Variants in DCAF17 observed in about 807,000 individuals in gnomAD.
The protein encoded by DCAF17 is DDB1 and CUL4 associated factor 17.
DCAF17 carries 48 observed loss-of-function variants against 66.0 expected under a neutral mutation model. The observed-to-expected ratio is 0.73, with a 90% CI of 0.58 to 0.92. DCAF17 has a LOEUF of 0.92. Among genes scored for constraint, DCAF17 ranks in the 40% least tolerant of loss-of-function variants. The probability of loss-of-function intolerance (pLI) is 0.00; values close to 1 mark genes in which losing one functional copy is unlikely to be tolerated. For synonymous variants in DCAF17, 206 were observed against 214.6 expected, an observed-to-expected ratio of 0.96 and a Z score of 0.35; for missense variants, 562 against 622.8, an observed-to-expected ratio of 0.90 and a Z score of 1.04.
chr2:171,477,939 G>A, intron 11 of DCAF17, 48 bp from the exon 12 acceptor site: 3 of 1,497,694 alleles, frequency 2.0e-6, no homozygotes, highest in Non-Finnish European at 2.8e-6. Context: ...ACCTTTGACT[G>A]CATGTAATAG....
rs1413099007 is a variant in DCAF17, at chr2:171,482,464, C to G, written c.*1350C>G. ...ATTGCCCCATACTTTCAATTAGACA[C>G]TAGCTGTATCTAAATAGTCCCACTC... On this transcript the variant is annotated 3_prime_UTR_variant, in exon 14 of 14. Transcript: ENST00000375255. 1 of 453,872 alleles carries G rather than the reference C, an allele frequency of 2.2e-6. No homozygotes were observed. The highest frequency in any genetic ancestry group is 4.4e-6 in the Non-Finnish European group (1 of 226,790). 28.1% of individuals were successfully genotyped at this position (453,872 alleles called of 1,614,324 possible).
intron 2 of DCAF17, among the ~76,000 whole-genome samples, chr2:171,440,689 C>T (rs886293833): frequency 2.3e-4 from 35 of 151,964 alleles, no homozygotes; most frequent in Non-Finnish European, 1.5e-5. Flanking sequence ...TTGTTGTAGC[C>T]GTAGGTATTA....
At chr2:171,439,464 T>C (rs1369931891) in intron 2 of DCAF17, among the ~76,000 whole-genome samples, 1 of 151,902 alleles carries the variant, frequency 6.6e-6, no homozygotes, top group Non-Finnish European at 1.5e-5. Flanking sequence ...AAGGCGTTCT[T>C]CATTTCTCTT....
At chr2:171,446,095 A>G (rs893602305) in intron 3 of DCAF17, among the ~76,000 whole-genome samples, 2 of 152,192 alleles carry the variant, frequency 1.3e-5, no homozygotes, top group Non-Finnish European at 2.9e-5. Flanking sequence ...TAAACTTAAA[A>G]AAAAAATCTT....
chr2:171,460,510 G>A (rs1695519615), intron 8 of DCAF17, among the ~76,000 whole-genome samples: 1 of 137,604 alleles, frequency 7.3e-6, no homozygotes, highest in South Asian at 2.6e-4. Flanking sequence ...GTATGATAGT[G>A]GGCAAATTAT....
chr2:171,436,696 A>G (rs981550984), intron 2 of DCAF17, among the ~76,000 whole-genome samples: 1 of 150,638 alleles, frequency 6.6e-6, no homozygotes, highest in African/African-American at 2.4e-5. Context: ...TATCAGATAT[A>G]TGATTTCAAA....
chr2:171,436,209 G>A (rs186769288), intron 2 of DCAF17, among the ~76,000 whole-genome samples: 58 of 152,186 alleles, frequency 3.8e-4, no homozygotes, highest in Admixed American at 5.9e-4. Flanking sequence ...CACATTTTAC[G>A]TATCCGTTTA....
intron 3 of DCAF17, 63 bp downstream of exon 3, chr2:171,443,676 A>T: frequency 1.5e-6 from 2 of 1,314,966 alleles, no homozygotes; most frequent in Non-Finnish European, 2.2e-6. Context: ...ACCAGTTATT[A>T]TTAACATATT....
At chr2:171,464,171 G>A (rs1298854560) in intron 8 of DCAF17, among the ~76,000 whole-genome samples, 4 of 152,142 alleles carry the variant, frequency 2.6e-5, no homozygotes, top group Non-Finnish European at 5.9e-5. Context: ...TCCTATTTCT[G>A]ATAGGGGGCC....
At chr2:171,457,844 T>C in intron 6 of DCAF17, 127 bp from the exon 7 acceptor site, 3 of 831,122 alleles carry the variant, frequency 3.6e-6, no homozygotes, top group Non-Finnish European at 6.3e-6. Flanking sequence ...ATAATGAGGT[T>C]TTAATGCTAG....
At chr2:171,434,839 G>A in intron 1 of DCAF17, 136 bp downstream of exon 1, 1 of 1,334,244 alleles carries the variant, frequency 7.5e-7, no homozygotes, top group Non-Finnish European at 9.9e-7. Context: ...ATACAAGCCC[G>A]GAATCTGGGA....
At chr2:171,435,374 A>G (rs1693812543) in intron 2 of DCAF17, among the ~76,000 whole-genome samples, 188 bp downstream of exon 2, 3 of 152,306 alleles carry the variant, frequency 2.0e-5, no homozygotes, top group South Asian at 4.1e-4. Flanking sequence ...TGCAGGTGTC[A>G]TTTTTGTAAA....
chr2:171,447,672 T>C (rs776883898), intron 3 of DCAF17, among the ~76,000 whole-genome samples: 3 of 152,182 alleles, frequency 2.0e-5, no homozygotes, highest in Non-Finnish European at 4.4e-5. Context: ...ACTTCTTTTT[T>C]TCCTTTTTAT....
chr2:171,445,808 A>G (rs7594714), intron 3 of DCAF17, among the ~76,000 whole-genome samples: 43,625 of 151,856 alleles, frequency 0.29, 6,551 homozygotes, highest in African/African-American at 0.38. Flanking sequence ...TTGGCCTCCT[A>G]AGTAGCTGGG....
chr2:171,480,834 A>G, intron 13 of DCAF17, 140 bp from the exon 14 acceptor site: 3 of 1,069,508 alleles, frequency 2.8e-6, no homozygotes, highest in Non-Finnish European at 4.2e-6. Context: ...CAAATAATGA[A>G]AAATAAACCT....
intron 6 of DCAF17, among the ~76,000 whole-genome samples, chr2:171,455,106 A>AT (rs1246970749): frequency 1.3e-5 from 2 of 149,736 alleles, no homozygotes; most frequent in African/African-American, 4.9e-5. Flanking sequence ...TCTATTAGTT[A>AT]TTTTTCCTGA....
chr2:171,434,392 A>G lies in DCAF17; in HGVS notation c.-186A>G, dbSNP rs1361151049. On this transcript the variant is annotated 5_prime_UTR_variant, in exon 1 of 14. Transcript: ENST00000375255. ...CTTCTCTCCGCGCTCTGGCGGTGCAAGCGGCTCTGCTTTCCCTCGCCCCGC... is the reference window on the plus strand; with the variant it reads ...CTTCTCTCCGCGCTCTGGCGGTGCAGGCGGCTCTGCTTTCCCTCGCCCCGC... 1.0e-6 allele frequency: 1 copy of G among 996,860 alleles called. No individual in the cohort carries two copies. The highest frequency in any genetic ancestry group is 1.4e-5 in the South Asian group (1 of 72,840). The allele number at this position is 996,860 out of a possible 1,614,324, so 61.8% of individuals were successfully genotyped here. A position where few individuals can be genotyped will look rare whatever the true frequency, so the allele number is the denominator to read the frequency against.
Position 171,485,051 on chromosome 2 carries a change from A to C in DCAF17, c.*3937A>C, listed in dbSNP as rs1315619717. 2.2e-6 allele frequency: 1 copy of C among 449,488 alleles called. No homozygotes were observed. Among genetic ancestry groups the C allele is most frequent in the Non-Finnish European group, 4.4e-6 (1 of 225,904 alleles). The allele number at this position is 449,488 out of a possible 1,614,324, so 27.8% of individuals were successfully genotyped here. On this transcript the variant is annotated 3_prime_UTR_variant, in exon 14 of 14. Coordinates refer to ENST00000375255, the MANE Select transcript of DCAF17 (RefSeq NM_025000.4). Reference sequence around the variant, plus strand: ...AAAGCTGCTATGAACATTCTTAGACAATTCTTTTGTGAACATGTGTCTTTA... The same window carrying C: ...AAAGCTGCTATGAACATTCTTAGACCATTCTTTTGTGAACATGTGTCTTTA...
intron 9 of DCAF17, among the ~76,000 whole-genome samples, 166 bp downstream of exon 9, chr2:171,469,196 G>A (rs1362502878): frequency 6.6e-6 from 1 of 152,172 alleles, no homozygotes; most frequent in African/African-American, 2.4e-5. Flanking sequence ...GAAAACATTT[G>A]TGTGTATCAC....
Sources: gnomAD v4.1 joint callset for allele counts (sites outside exome capture counted in the v4.1 genomes callset) on GRCh38, gnomAD v4.1.1 for gene constraint, MANE v1.5 for transcripts, NCBI Gene and HGNC (gene_info 2026-07-23, HGNC 2026-07-21) for gene names.